The following MIA2 variants were observed in gnomAD, a reference collection of about 807,000 sequenced individuals.
The protein encoded by MIA2 is MIA SH3 domain ER export factor 2.
MIA2 carries 127 observed loss-of-function variants against 167.8 expected under a neutral mutation model. That is an observed-to-expected ratio of 0.76 (90% CI 0.66 to 0.88). The LOEUF is 0.88. Ranked by LOEUF, MIA2 falls within the 40% of genes least tolerant of loss-of-function variation. The probability of loss-of-function intolerance (pLI) is 0.00; values close to 1 mark genes in which losing one functional copy is unlikely to be tolerated. For synonymous variants in MIA2, 552 were observed against 541.9 expected, an observed-to-expected ratio of 1.02 and a Z score of -0.26; for missense variants, 1,690 against 1,624.7, an observed-to-expected ratio of 1.04 and a Z score of -0.69.
At chr14:39,267,419 G>A (rs1317385945) in intron 6 of MIA2, 2 of 1,609,786 alleles carry the variant, frequency 1.2e-6, no homozygotes, top group Non-Finnish European at 1.7e-6. Flanking sequence ...GCCCCGACAG[G>A]CCGGGGTTAC....
chr14:39,375,494 G>A (rs1024337413), intron 23 of MIA2, among the ~76,000 whole-genome samples: 2 of 152,206 alleles, frequency 1.3e-5, no homozygotes, highest in East Asian at 1.9e-4. Context: ...TCAGAAGTTC[G>A]AGACCAGCCT....
At chr14:39,330,200 G>T (rs975500878) in intron 25 of MIA2, among the ~76,000 whole-genome samples, 10 of 152,030 alleles carry the variant, frequency 6.6e-5, no homozygotes, top group African/African-American at 2.4e-4. Context: ...GTCTTGTGAG[G>T]GTGTGTGTGT....
chr14:39,286,895 G>GTGTGTGTGTA (rs1555365931), intron 9 of MIA2, among the ~76,000 whole-genome samples: 69 of 149,312 alleles, frequency 4.6e-4, no homozygotes, highest in East Asian at 2.8e-3. Context: ...GTGTGTGTGT[G>GTGTGTGTGTA]TGTATTTTTT....
At chr14:39,344,932 C>G (rs1466614632) in intron 25 of MIA2, among the ~76,000 whole-genome samples, 2 of 152,150 alleles carry the variant, frequency 1.3e-5, no homozygotes, top group Non-Finnish European at 1.5e-5. Flanking sequence ...TAAATCACCC[C>G]TGGGGACAAA....
exon 24 of MIA2, chr14:39,387,081 TA>T: frequency 1.6e-6 from 1 of 637,994 alleles, no homozygotes; most frequent in Non-Finnish European, 2.7e-6. Flanking sequence ...AGCCTTGGCC[TA>T]ACTGTCTCGG....
chr14:39,267,140 C>A (rs918162895), intron 6 of MIA2: 1 of 1,152,708 alleles, frequency 8.7e-7, no homozygotes, highest in East Asian at 5.2e-5. Context: ...CCCGCCTTCT[C>A]GCGGCTGCCC....
intron 9 of MIA2, among the ~76,000 whole-genome samples, chr14:39,288,475 A>ATTTTTTTTTT (rs1247369150): frequency 1.6e-4 from 8 of 50,514 alleles, no homozygotes; most frequent in African/African-American, 3.2e-4. Context: ...ATATATATAT[A>ATTTTTTTTTT]TTTTTTTTTT....
rs552468023 is a variant in MIA2 at position 39,291,099 on chromosome 14, A to G, written c.2208+3A>G. On this transcript the variant is annotated splice_donor_region_variant and intron_variant, in intron 10 of 28. Coordinates refer to ENST00000640607, the MANE Select transcript of MIA2 (RefSeq NM_001329214.4). ...CAACAGAAGCACAAAGTTTGGAGGT[A>G]GAAAATCAAATGGTATAATTTTAAA... is the stretch of plus-strand genomic sequence containing the variant. The G allele has an allele frequency of 1.3e-6, 2 of 1,594,538 alleles. No individual in the cohort carries two copies. Among genetic ancestry groups the G allele is most frequent in the Admixed American group, 1.8e-5 (1 of 54,796 alleles).
chr14:39,361,024 C>T (rs1174420107), intron 23 of MIA2, among the ~76,000 whole-genome samples: 1 of 152,118 alleles, frequency 6.6e-6, no homozygotes, highest in Non-Finnish European at 1.5e-5. Flanking sequence ...TATTTTTATA[C>T]CAATACTATG....
intron 23 of MIA2, among the ~76,000 whole-genome samples, chr14:39,372,693 A>G (rs180878355): frequency 1.4e-4 from 21 of 152,358 alleles, no homozygotes; most frequent in African/African-American, 4.8e-4. Context: ...AAAAATGATA[A>G]AAGGATATTA....
chr14:39,290,747 TGA>T (rs2060624873), intron 9 of MIA2, among the ~76,000 whole-genome samples: 2 of 152,240 alleles, frequency 1.3e-5, no homozygotes, highest in South Asian at 4.1e-4. Flanking sequence ...GATGCTAATA[TGA>T]GTTATAGTCC....
At chr14:39,340,362 TAA>T (rs1186420797) in intron 25 of MIA2, among the ~76,000 whole-genome samples, 1 of 152,204 alleles carries the variant, frequency 6.6e-6, no homozygotes, top group Admixed American at 6.5e-5. Flanking sequence ...CTCTTTTTCT[TAA>T]AGAGCTGAAC....
intron 23 of MIA2, among the ~76,000 whole-genome samples, chr14:39,366,651 G>A (rs2074828494): frequency 6.6e-6 from 1 of 152,196 alleles, no homozygotes; most frequent in Non-Finnish European, 1.5e-5. Flanking sequence ...GAAATAGCCT[G>A]TCCTCAGTCT....
intron 3 of MIA2, among the ~76,000 whole-genome samples, chr14:39,241,189 C>T (rs17619960): frequency 0.068 from 10,397 of 152,232 alleles, 457 homozygotes; most frequent in South Asian, 0.18. Context: ...TGGAGTTTTT[C>T]ATGAGCATGA....
At chr14:39,266,426 C>T (rs1307798915) in intron 6 of MIA2, 7 of 985,284 alleles carry the variant, frequency 7.1e-6, no homozygotes, top group African/African-American at 1.7e-5. Context: ...CAGCACGCAC[C>T]GCGCCAGGCC....
chr14:39,318,503 A>G (rs1408715975), intron 22 of MIA2, among the ~76,000 whole-genome samples: 1 of 152,162 alleles, frequency 6.6e-6, no homozygotes, highest in Non-Finnish European at 1.5e-5. Context: ...TTCTGTGAAG[A>G]TGATAACAGT....
intron 24 of MIA2, among the ~76,000 whole-genome samples, chr14:39,326,302 A>G (rs1165106962): frequency 6.6e-6 from 1 of 152,224 alleles, no homozygotes; most frequent in African/African-American, 2.4e-5. Context: ...AAATCAGGCT[A>G]TTTAAAATCA....
chr14:39,321,921 T>C (rs972065647), intron 24 of MIA2, among the ~76,000 whole-genome samples: 1 of 151,792 alleles, frequency 6.6e-6, no homozygotes, highest in Non-Finnish European at 1.5e-5. Flanking sequence ...CCACCACACC[T>C]GGCTAATTTT....
At chr14:39,375,658 C>G (rs1358155566) in intron 23 of MIA2, among the ~76,000 whole-genome samples, 3 of 152,294 alleles carry the variant, frequency 2.0e-5, no homozygotes, top group East Asian at 3.9e-4. Flanking sequence ...GATCAGGCCA[C>G]TACACTCCAG....
Sources: gnomAD v4.1 joint callset for allele counts (sites outside exome capture counted in the v4.1 genomes callset) on GRCh38, gnomAD v4.1.1 for gene constraint, MANE v1.5 for transcripts, NCBI Gene and HGNC (gene_info 2026-07-23, HGNC 2026-07-21) for gene names.